The following FGF7 variants were observed in gnomAD, a reference collection of about 807,000 sequenced individuals.
FGF7 encodes the protein FGF-7.
In FGF7, 6 loss-of-function variants were observed where a neutral mutation model predicts 20.5. The observed-to-expected ratio is 0.29, with a 90% CI of 0.16 to 0.58. FGF7 has a LOEUF of 0.58. FGF7 is among the 20% of genes least tolerant of loss of function. The pLI, the probability that FGF7 is intolerant of heterozygous loss-of-function variation, is 0.90. For synonymous variants in FGF7, 64 were observed against 74.7 expected (o/e 0.86, Z 0.74); for missense variants, 144 against 228.8 (o/e 0.63, Z 2.39).
chr15:49,452,356 A>G (rs1293340157), intron 2 of FGF7, among the ~76,000 whole-genome samples: 1 of 152,086 alleles, frequency 6.6e-6, no homozygotes, highest in African/African-American at 2.4e-5. Context: ...CCCGGCCCCA[A>G]CCAGAATTTT....
At chr15:49,473,627 TTTTA>T (rs1381593153) in intron 2 of FGF7, among the ~76,000 whole-genome samples, 3 of 152,128 alleles carry the variant, frequency 2.0e-5, no homozygotes, top group African/African-American at 7.2e-5. Context: ...CCCAGCAATA[TTTTA>T]TTTATGGAGC....
chr15:49,461,197 C>T (rs1459861837), intron 2 of FGF7, among the ~76,000 whole-genome samples: 4 of 152,208 alleles, frequency 2.6e-5, no homozygotes, highest in Non-Finnish European at 5.9e-5. Context: ...TTCCTTACTA[C>T]TTTGCCACTT....
At position 49,424,526 on chromosome 15, in the gene FGF7, C is replaced by T; in HGVS notation, c.229C>T (p.Leu77=). ...ACTCTTCTGTCGAACACAGTGGTACCTGAGGATCGATAAAAGAGGCAAAGT... is the reference window on the plus strand; with the variant it reads ...ACTCTTCTGTCGAACACAGTGGTACTTGAGGATCGATAAAAGAGGCAAAGT... ...RRLFCRTQWY[L]RIDKRGKVKG... is the part of the protein sequence containing the mutation. The change falls in exon 2 of 4, where the codon CTG becomes TTG. Residue 77 remains leucine, a synonymous_variant. Coordinates refer to ENST00000267843, the MANE Select transcript of FGF7 (RefSeq NM_002009.4). 6.2e-7 allele frequency: 1 copy of T among 1,608,954 alleles called. No homozygotes were observed.
chr15:49,436,937 A>G (rs1284246514), intron 2 of FGF7, among the ~76,000 whole-genome samples: 3 of 151,650 alleles, frequency 2.0e-5, no homozygotes, highest in African/African-American at 7.2e-5. Flanking sequence ...CTTATTAAAT[A>G]AAAACTTACT....
At chr15:49,462,941 T>G (rs2053936656) in intron 2 of FGF7, among the ~76,000 whole-genome samples, 1 of 152,226 alleles carries the variant, frequency 6.6e-6, no homozygotes, top group African/African-American at 2.4e-5. Flanking sequence ...TGGAACTGTG[T>G]CATGATAAAT....
Position 49,440,679 on chromosome 15 carries a change from C to G in FGF7, c.286+16096C>G, listed in dbSNP as rs147655974. 4.7e-4 allele frequency among the ~76,000 whole-genome samples: 72 copies of G among 151,784 alleles called. 2 individuals carry two copies. In the East Asian group the frequency reaches 0.012, roughly 25 times the overall value. ...GCTTGGTGCTTTACATGATTTCTCT[C>G]ATCTAATTCCATTTTATAAATGAGG... On this transcript the variant is annotated intron_variant, in intron 2 of 3. Coordinates refer to ENST00000267843, the MANE Select transcript of FGF7 (RefSeq NM_002009.4).
intron 2 of FGF7, among the ~76,000 whole-genome samples, chr15:49,427,836 A>G (rs2050259173): frequency 6.6e-6 from 1 of 151,932 alleles, no homozygotes; most frequent in Non-Finnish European, 1.5e-5. Flanking sequence ...AGATGGTTGG[A>G]GGGCATGGAG....
chr15:49,468,569 T>C (rs560979880), intron 2 of FGF7, among the ~76,000 whole-genome samples: 14 of 152,304 alleles, frequency 9.2e-5, no homozygotes, highest in Non-Finnish European at 1.6e-4. Context: ...TTTTTTACAA[T>C]AGTGGACTTC....
intron 2 of FGF7, among the ~76,000 whole-genome samples, chr15:49,473,275 TATAA>T (rs2054945826): frequency 6.6e-6 from 1 of 152,174 alleles, no homozygotes; most frequent in Non-Finnish European, 1.5e-5. Flanking sequence ...TTCACTATTA[TATAA>T]ATAAGTTCAT....
At chr15:49,445,771 T>C (rs1193462393) in intron 2 of FGF7, among the ~76,000 whole-genome samples, 2 of 151,548 alleles carry the variant, frequency 1.3e-5, no homozygotes, top group East Asian at 3.9e-4. Context: ...GTCCTGCTCA[T>C]GTTAGCCAAG....
rs2056377252 is a variant in FGF7 at position 49,486,020 on chromosome 15, G to C, written c.*1516G>C. 6.6e-6 allele frequency: 1 copy of C among 151,964 alleles called. No individual in the cohort carries two copies. The highest frequency in any genetic ancestry group is 6.6e-5 in the Admixed American group (1 of 15,218). 9.4% of individuals were successfully genotyped at this position (151,964 alleles called of 1,614,324 possible). On this transcript the variant is annotated 3_prime_UTR_variant, in exon 4 of 4. Transcript: ENST00000267843. ...CTACAGATAACAGGATTATTACAAG[G>C]ATGAATTTCCACTTCAAAAGTCTTT...
chr15:49,438,754 T>C (rs2051337956), intron 2 of FGF7, among the ~76,000 whole-genome samples: 2 of 151,778 alleles, frequency 1.3e-5, no homozygotes, highest in South Asian at 4.1e-4. Context: ...ATTTGTTTTA[T>C]AAATATAAAT....
intron 2 of FGF7, among the ~76,000 whole-genome samples, chr15:49,482,104 T>C (rs1290318304): frequency 6.6e-6 from 1 of 152,184 alleles, no homozygotes; most frequent in African/African-American, 2.4e-5. Flanking sequence ...CTTTGACTTT[T>C]CTTTGCACTG....
rs929203047 is a variant in FGF7 at position 49,426,009 on chromosome 15, A to C, written c.286+1426A>C. ...AGATTTATCATGGATAATATCATGG[A>C]TATAATAACAATATTATATATTATC... On this transcript the variant is annotated intron_variant, in intron 2 of 3. Coordinates refer to ENST00000267843, the MANE Select transcript of FGF7 (RefSeq NM_002009.4). 9.2e-5 allele frequency among the ~76,000 whole-genome samples: 14 copies of C among 151,574 alleles called. No individual in the cohort carries two copies. In the Admixed American group the frequency reaches 9.2e-4, roughly 10 times the overall value.
rs1178128885 is a variant in FGF7 at position 49,485,246 on chromosome 15, C to T, written c.*742C>T. The stretch of plus-strand genomic sequence containing the variant: ...GATGATAATACTGTACTTCATCTTA[C>T]TTGCCACAAAATAACATTTTATAAA... On this transcript the variant is annotated 3_prime_UTR_variant, in exon 4 of 4. Transcript: ENST00000267843. The T allele has an allele frequency of 6.6e-6, 1 of 152,180 alleles. No individual in the cohort carries two copies. Among genetic ancestry groups the T allele is most frequent in the African/African-American group, 2.4e-5 (1 of 41,368 alleles). The allele number at this position is 152,180 out of a possible 1,614,324, so 9.4% of individuals were successfully genotyped here. A position where few individuals can be genotyped will look rare whatever the true frequency, so the allele number is the denominator to read the frequency against.
intron 2 of FGF7, among the ~76,000 whole-genome samples, chr15:49,463,512 C>T (rs2053987212): frequency 6.7e-6 from 1 of 149,460 alleles, no homozygotes; most frequent in Non-Finnish European, 1.5e-5. Context: ...GATTGTGCCA[C>T]TGCACTCCAG....
rs2055542634 is a variant in FGF7, at chr15:49,478,211, C to T, written c.287-4940C>T. Among the ~76,000 whole-genome samples the T allele has an allele frequency of 2.6e-5, 4 of 152,164 alleles. No individual in the cohort carries two copies. In the South Asian group the frequency reaches 8.3e-4, roughly 32 times the overall value. On this transcript the variant is annotated intron_variant, in intron 2 of 3. Transcript: ENST00000267843. ...TGTGTTAATTTGCTTAGGATAATGG[C>T]CTCCGGCTGCATCCATGTTGCAATT...
At chr15:49,444,009 A>G (rs886522459) in intron 2 of FGF7, among the ~76,000 whole-genome samples, 3 of 151,690 alleles carry the variant, frequency 2.0e-5, no homozygotes, top group African/African-American at 4.8e-5. Flanking sequence ...ATTGTGCTGT[A>G]AATAAACACA....
At chr15:49,447,706 G>C (rs1485925739) in intron 2 of FGF7, among the ~76,000 whole-genome samples, 1 of 151,618 alleles carries the variant, frequency 6.6e-6, no homozygotes, top group Admixed American at 6.6e-5. Context: ...TCAATTCATG[G>C]ATAATTGTTA....
Sources: allele counts gnomAD v4.1 joint callset (sites outside exome capture counted in the v4.1 genomes callset), GRCh38; gene constraint gnomAD v4.1.1; transcripts MANE v1.5; gene names NCBI Gene and HGNC (gene_info 2026-07-23, HGNC 2026-07-21).